Variants in ANK2 observed in about 807,000 individuals in gnomAD.
ANK2 encodes ankyrin-2.
ANK2 carries 83 observed loss-of-function variants against 360.5 expected under a neutral mutation model. The observed-to-expected ratio is 0.23, with a 90% confidence interval of 0.19 to 0.28. The LOEUF (loss-of-function observed/expected upper bound fraction) is 0.28. ANK2 is among the 10% of genes least tolerant of loss of function. ANK2 has a pLI of 1.00. For missense variants in ANK2, 4,201 were observed against 4,795.7 expected, an observed-to-expected ratio of 0.88 and a Z score of 3.66; for synonymous variants, 1,740 against 1,759.5, an observed-to-expected ratio of 0.99 and a Z score of 0.28.
At chr4:112,894,738 C>T (rs950976623) in intron 1 of ANK2, among the ~76,000 whole-genome samples, 1 of 152,102 alleles carries the variant, frequency 6.6e-6, no homozygotes, top group Non-Finnish European at 1.5e-5. Context: ...TCCACCATCC[C>T]CTGGCTATTT....
chr4:113,158,615 T>C (rs1041889984), intron 1 of ANK2, among the ~76,000 whole-genome samples: 7 of 152,216 alleles, frequency 4.6e-5, no homozygotes, highest in African/African-American at 1.7e-4. Context: ...CTGCACATTA[T>C]ATGCTGGGCT....
intron 1 of ANK2, among the ~76,000 whole-genome samples, chr4:112,821,191 A>G (rs145381805): frequency 0.091 from 13,901 of 152,198 alleles, 864 homozygotes; most frequent in African/African-American, 0.18. Context: ...CTGGGATTAC[A>G]GGCATGAGCC....
intron 2 of ANK2, among the ~76,000 whole-genome samples, chr4:112,982,532 G>T (rs895461270): frequency 1.3e-5 from 2 of 152,142 alleles, no homozygotes; most frequent in African/African-American, 4.8e-5. Context: ...GTTGATACAA[G>T]AAATTTAAAA....
At chr4:113,297,507 A>G (rs1284496014) in intron 22 of ANK2, among the ~76,000 whole-genome samples, 3 of 152,138 alleles carry the variant, frequency 2.0e-5, no homozygotes, top group Non-Finnish European at 4.4e-5. Flanking sequence ...GTTTATATCA[A>G]AATATCACTT....
intron 9 of ANK2, among the ~76,000 whole-genome samples, chr4:113,244,928 C>T (rs2042035733): frequency 6.6e-6 from 1 of 152,144 alleles, no homozygotes; most frequent in Admixed American, 6.5e-5. Flanking sequence ...ATCCATGTCC[C>T]TGCAAAGGAC....
chr4:113,246,942 C>T (rs1433132209), intron 9 of ANK2, among the ~76,000 whole-genome samples: 1 of 152,006 alleles, frequency 6.6e-6, no homozygotes, highest in African/African-American at 2.4e-5. Flanking sequence ...TGTAACTTGA[C>T]CTAGGACACA....
At chr4:113,199,429 T>G (rs1225272317) in intron 4 of ANK2, among the ~76,000 whole-genome samples, 1 of 152,150 alleles carries the variant, frequency 6.6e-6, no homozygotes, top group Non-Finnish European at 1.5e-5. Context: ...AAGTTTCGTG[T>G]TACTCTATAA....
intron 23 of ANK2, among the ~76,000 whole-genome samples, chr4:113,309,199 C>G (rs1587866947): frequency 6.6e-6 from 1 of 152,156 alleles, no homozygotes; most frequent in African/African-American, 2.4e-5. Context: ...CAAGATTAGT[C>G]CCCAGAGAGG....
upstream of ANK2, among the ~76,000 whole-genome samples, chr4:113,046,605 G>C (rs1394174347): frequency 6.6e-6 from 1 of 152,070 alleles, no homozygotes; most frequent in Non-Finnish European, 1.5e-5. Context: ...GGGAAGAAGA[G>C]ACCTGGCCCT....
rs139738853 is a variant in ANK2, at chr4:112,833,846, T to G, written c.-40+15582T>G. Reference sequence around the variant, plus strand: ...AAATACATAATAGACTGTCCCAAATTCAAAAGGTTCAAAAGGATAAATAAG... The same window carrying G: ...AAATACATAATAGACTGTCCCAAATGCAAAAGGTTCAAAAGGATAAATAAG... On this transcript the variant is annotated intron_variant, in intron 1 of 30. Transcript: ENST00000503271. Among the ~76,000 whole-genome samples, 281 of 152,270 alleles carry G rather than the reference T, an allele frequency of 1.8e-3. 1 individual carries two copies. Among genetic ancestry groups the G allele is most frequent in the African/African-American group, 6.3e-3 (262 of 41,554 alleles).
chr4:112,874,761 T>A (rs560502884), intron 1 of ANK2, among the ~76,000 whole-genome samples: 2 of 152,224 alleles, frequency 1.3e-5, no homozygotes, highest in South Asian at 4.2e-4. Context: ...CAGAAATGTT[T>A]GCTTGGTGAA....
At position 112,974,277 on chromosome 4, in the gene ANK2, A is replaced by G. The variant is rs149880673; in HGVS notation, c.21+69763A>G. On this transcript the variant is annotated intron_variant, in intron 2 of 30. Transcript: ENST00000503271. ...ACACAATGACAAGGGCCTAAATTGGAAAGCAATACAGATTTAGCAAGAAAA... is the reference window on the plus strand; with the variant it reads ...ACACAATGACAAGGGCCTAAATTGGGAAGCAATACAGATTTAGCAAGAAAA... Among the ~76,000 whole-genome samples, 1,230 of 152,332 alleles carry G rather than the reference A, an allele frequency of 8.1e-3. 11 individuals are homozygous for G. The highest frequency in any genetic ancestry group is 0.017 in the Middle Eastern group (5 of 294).
chr4:113,114,935 T>C (rs1045570460), intron 1 of ANK2, among the ~76,000 whole-genome samples: 1 of 152,224 alleles, frequency 6.6e-6, no homozygotes, highest in Non-Finnish European at 1.5e-5. Flanking sequence ...CTCATGCTAT[T>C]AAGCTAAATG....
intron 29 of ANK2, among the ~76,000 whole-genome samples, 178 bp from the exon 30 acceptor site, chr4:113,335,668 T>C (rs1238329558): frequency 6.6e-6 from 1 of 152,078 alleles, no homozygotes; most frequent in African/African-American, 2.4e-5. Flanking sequence ...AATATTGCAA[T>C]TTTTTGTTTT....
At chr4:113,288,554 G>A in intron 20 of ANK2, 68 bp downstream of exon 20, 1 of 1,294,750 alleles carries the variant, frequency 7.7e-7, no homozygotes, top group South Asian at 1.2e-5. Flanking sequence ...TGCTTCACTA[G>A]TTTACCAAAG....
At chr4:113,133,998 T>C (rs1322467861) in intron 1 of ANK2, among the ~76,000 whole-genome samples, 1 of 148,954 alleles carries the variant, frequency 6.7e-6, no homozygotes, top group East Asian at 1.9e-4. Flanking sequence ...AGAATTATGA[T>C]GTGATTTACA....
intron 2 of ANK2, among the ~76,000 whole-genome samples, chr4:112,909,900 A>G (rs1201730004): frequency 6.6e-6 from 1 of 152,206 alleles, no homozygotes; most frequent in African/African-American, 2.4e-5. Flanking sequence ...TTTAATTCAT[A>G]CACATTAATT....
At chr4:113,194,980 T>C (rs914262997) in intron 2 of ANK2, among the ~76,000 whole-genome samples, 1 of 152,134 alleles carries the variant, frequency 6.6e-6, no homozygotes, top group Non-Finnish European at 1.5e-5. Context: ...CTGATAGATA[T>C]GTAGAACATT....
chr4:113,062,783 T>C (rs2074091509), intron 1 of ANK2, among the ~76,000 whole-genome samples: 1 of 152,090 alleles, frequency 6.6e-6, no homozygotes, highest in Non-Finnish European at 1.5e-5. Context: ...CCCTTGCACC[T>C]TTTCAAGCAC....
Sources: gnomAD v4.1 joint callset for allele counts (sites outside exome capture counted in the v4.1 genomes callset) on GRCh38, gnomAD v4.1.1 for gene constraint, MANE v1.5 for transcripts, NCBI Gene and HGNC (gene_info 2026-07-23, HGNC 2026-07-21) for gene names.